The following TSPAN18 variants were observed in gnomAD, a reference collection of about 807,000 sequenced individuals.
The protein encoded by TSPAN18 is tetraspanin 18, also known as tetraspanin-18.
In TSPAN18, 14 loss-of-function variants were observed where a neutral mutation model predicts 27.3. The observed-to-expected ratio is 0.51, with a 90% CI of 0.34 to 0.80. The LOEUF (loss-of-function observed/expected upper bound fraction) is 0.80. Among genes scored for constraint, TSPAN18 ranks in the 30% least tolerant of loss-of-function variants. The pLI is 0.01. For missense variants in TSPAN18, 268 were observed against 323.9 expected, an observed-to-expected ratio of 0.83 and a Z score of 1.32; for synonymous variants, 143 against 136.5, an observed-to-expected ratio of 1.05 and a Z score of -0.33.
At chr11:44,818,811 T>C (rs1276973799) in intron 2 of TSPAN18, among the ~76,000 whole-genome samples, 1 of 152,156 alleles carries the variant, frequency 6.6e-6, no homozygotes, top group Non-Finnish European at 1.5e-5. Flanking sequence ...GAGCCTGTCA[T>C]ATAAGGGGGG....
At chr11:44,749,956 T>C (rs1422821671) in intron 1 of TSPAN18, among the ~76,000 whole-genome samples, 1 of 152,184 alleles carries the variant, frequency 6.6e-6, no homozygotes, top group Non-Finnish European at 1.5e-5. Context: ...CTTTCAAATG[T>C]GAAATTGCTC....
chr11:44,806,964 A>T (rs902404335), intron 2 of TSPAN18, among the ~76,000 whole-genome samples: 3 of 152,204 alleles, frequency 2.0e-5, no homozygotes, highest in Non-Finnish European at 4.4e-5. Context: ...GATGAAGTAT[A>T]TTTAGCACAT....
At chr11:44,919,725 C>T in intron 7 of TSPAN18, 92 bp from the exon 8 acceptor site, 1 of 1,303,072 alleles carries the variant, frequency 7.7e-7, no homozygotes, top group Non-Finnish European at 1.1e-6. Context: ...TCTTCTGATG[C>T]CACTCCTTTG....
chr11:44,916,727 C>T (rs1055503284), intron 5 of TSPAN18, among the ~76,000 whole-genome samples: 4 of 152,084 alleles, frequency 2.6e-5, no homozygotes, highest in South Asian at 2.1e-4. Context: ...CCTGGCACAT[C>T]GGGGGCAGGC....
chr11:44,775,351 G>T (rs1481171399), intron 2 of TSPAN18, among the ~76,000 whole-genome samples: 1 of 152,204 alleles, frequency 6.6e-6, no homozygotes, highest in Non-Finnish European at 1.5e-5. Flanking sequence ...CACGTGTGTA[G>T]TCAATGCTGC....
intron 1 of TSPAN18, among the ~76,000 whole-genome samples, chr11:44,729,991 G>A (rs1854613062): frequency 6.6e-6 from 1 of 152,134 alleles, no homozygotes; most frequent in Non-Finnish European, 1.5e-5. Flanking sequence ...TGTTGGCTGA[G>A]GAGATTCTGA....
intron 2 of TSPAN18, among the ~76,000 whole-genome samples, chr11:44,817,681 ACT>A (rs1271274308): frequency 6.6e-6 from 1 of 152,120 alleles, no homozygotes; most frequent in Admixed American, 6.5e-5. Context: ...GTGGACAGTC[ACT>A]CCACCCATGT....
chr11:44,817,606 T>A (rs1215370807), intron 2 of TSPAN18, among the ~76,000 whole-genome samples: 1 of 152,212 alleles, frequency 6.6e-6, no homozygotes, highest in African/African-American at 2.4e-5. Flanking sequence ...TTGGGCACAG[T>A]CATGCCTCTG....
intron 2 of TSPAN18, among the ~76,000 whole-genome samples, chr11:44,817,810 A>G (rs16938089): frequency 0.073 from 11,142 of 152,284 alleles, 1,360 homozygotes; most frequent in African/African-American, 0.25. Context: ...ATGGTGTCCA[A>G]CCCATCTACT....
intron 1 of TSPAN18, among the ~76,000 whole-genome samples, chr11:44,752,796 A>G (rs1311629103): frequency 6.6e-6 from 1 of 152,260 alleles, no homozygotes; most frequent in Non-Finnish European, 1.5e-5. Flanking sequence ...ATGCCTGAAT[A>G]TGATGGCTGG....
At chr11:44,889,399 A>G (rs1858769134) in intron 3 of TSPAN18, among the ~76,000 whole-genome samples, 1 of 152,294 alleles carries the variant, frequency 6.6e-6, no homozygotes, top group African/African-American at 2.4e-5. Flanking sequence ...TCCCCACCAC[A>G]AACCTCTGGG....
chr11:44,785,157 T>A (rs1047086242), intron 2 of TSPAN18, among the ~76,000 whole-genome samples: 1 of 152,194 alleles, frequency 6.6e-6, no homozygotes, highest in Non-Finnish European at 1.5e-5. Context: ...TGCAAAAGGA[T>A]ATTTACAAAA....
At chr11:44,827,046 G>A (rs1389434766) in intron 2 of TSPAN18, among the ~76,000 whole-genome samples, 1 of 152,190 alleles carries the variant, frequency 6.6e-6, no homozygotes, top group Non-Finnish European at 1.5e-5. Flanking sequence ...AGCTCACGAG[G>A]GCCCTGACTG....
intron 2 of TSPAN18, among the ~76,000 whole-genome samples, chr11:44,851,546 A>G (rs995430567): frequency 6.6e-6 from 1 of 151,198 alleles, no homozygotes. Flanking sequence ...CCCAGGACCT[A>G]GAGTGGTCCC....
chr11:44,885,441 A>G (rs1008832128), intron 3 of TSPAN18, among the ~76,000 whole-genome samples: 2 of 152,236 alleles, frequency 1.3e-5, no homozygotes, highest in South Asian at 4.1e-4. Context: ...TGGGATTGCC[A>G]GCGTCCTTCC....
chr11:44,918,139 CAG>C, intron 6 of TSPAN18, 93 bp downstream of exon 6: 1 of 1,317,262 alleles, frequency 7.6e-7, no homozygotes, highest in Non-Finnish European at 1.1e-6. Context: ...TGAAGGGTCT[CAG>C]AGAGTGGGCA....
intron 1 of TSPAN18, among the ~76,000 whole-genome samples, chr11:44,742,503 T>C (rs1351604861): frequency 6.6e-6 from 1 of 152,056 alleles, no homozygotes; most frequent in Non-Finnish European, 1.5e-5. Flanking sequence ...GGCATAGTCA[T>C]CCAGCCCAGC....
chr11:44,766,229 C>G (rs559842056), intron 2 of TSPAN18, among the ~76,000 whole-genome samples: 1 of 152,326 alleles, frequency 6.6e-6, no homozygotes, highest in African/African-American at 2.4e-5. Flanking sequence ...GGGTGGCCGG[C>G]TCCCAGGGGC....
intron 1 of TSPAN18, among the ~76,000 whole-genome samples, chr11:44,757,585 A>C (rs924559561): frequency 6.6e-6 from 1 of 152,020 alleles, no homozygotes; most frequent in East Asian, 1.9e-4. Flanking sequence ...GAGTTTTGCT[A>C]TGTTGCCCAG....
Sources: gnomAD v4.1 joint callset for allele counts (sites outside exome capture counted in the v4.1 genomes callset) on GRCh38, gnomAD v4.1.1 for gene constraint, MANE v1.5 for transcripts, NCBI Gene and HGNC (gene_info 2026-07-23, HGNC 2026-07-21) for gene names.